The following SDK1 variants were observed in gnomAD, a reference collection of about 807,000 sequenced individuals.
SDK1 encodes the protein sidekick cell adhesion molecule 1.
SDK1 carries 157 observed loss-of-function variants against 245.5 expected under a neutral mutation model. That is an observed-to-expected ratio of 0.64 (90% CI 0.56 to 0.73). SDK1 has a LOEUF of 0.73. Ranked by LOEUF, SDK1 falls within the 30% of genes least tolerant of loss-of-function variation. SDK1 has a pLI of 0.00. For missense variants in SDK1, 3,583 were observed against 3,002.3 expected, an observed-to-expected ratio of 1.19 and a Z score of -4.52; for synonymous variants, 1,647 against 1,278.5, an observed-to-expected ratio of 1.29 and a Z score of -6.15.
At chr7:3,424,645 C>G (rs1033962006) in intron 1 of SDK1, among the ~76,000 whole-genome samples, 1 of 152,076 alleles carries the variant, frequency 6.6e-6, no homozygotes, top group Non-Finnish European at 1.5e-5. Context: ...ACCGGTAATC[C>G]CAGCACTTTG....
At chr7:3,872,598 A>G (rs1198513075) in intron 5 of SDK1, among the ~76,000 whole-genome samples, 1 of 139,102 alleles carries the variant, frequency 7.2e-6, no homozygotes, top group African/African-American at 2.7e-5. Context: ...TTTTTTTTAC[A>G]TATGTGATAT....
chr7:4,179,892 G>A (rs1584384025), intron 35 of SDK1, among the ~76,000 whole-genome samples: 4 of 152,006 alleles, frequency 2.6e-5, no homozygotes, highest in Admixed American at 2.6e-4. Flanking sequence ...GGGGAGCACA[G>A]GAAAGGAGGG....
intron 4 of SDK1, among the ~76,000 whole-genome samples, chr7:3,671,774 A>G (rs750820): frequency 0.36 from 55,441 of 152,130 alleles, 11,001 homozygotes; most frequent in African/African-American, 0.52. Flanking sequence ...ATGAGATTAA[A>G]AAGAAATTAA....
intron 1 of SDK1, among the ~76,000 whole-genome samples, chr7:3,428,602 G>T (rs1779742423): frequency 6.6e-6 from 1 of 152,186 alleles, no homozygotes; most frequent in East Asian, 1.9e-4. Context: ...TTATTAGCAT[G>T]TGTATTTAGG....
At chr7:3,978,167 A>G (rs927347606) in intron 13 of SDK1, among the ~76,000 whole-genome samples, 1 of 151,944 alleles carries the variant, frequency 6.6e-6, no homozygotes, top group African/African-American at 2.4e-5. Flanking sequence ...GCACATTTTT[A>G]AAGCTACCTT....
At chr7:3,690,934 C>A (rs1192165817) in intron 4 of SDK1, among the ~76,000 whole-genome samples, 1 of 152,186 alleles carries the variant, frequency 6.6e-6, no homozygotes, top group African/African-American at 2.4e-5. Flanking sequence ...TAGGCATTCA[C>A]TGGGCTAATG....
intron 1 of SDK1, among the ~76,000 whole-genome samples, chr7:3,574,956 A>G (rs1446215222): frequency 4.6e-5 from 7 of 152,078 alleles, no homozygotes; most frequent in Non-Finnish European, 1.0e-4. Context: ...GCTGTGAAGT[A>G]CGGGTAGTCA....
At chr7:4,255,928 T>C (rs1237837385) in intron 44 of SDK1, among the ~76,000 whole-genome samples, 1 of 147,884 alleles carries the variant, frequency 6.8e-6, no homozygotes, top group Admixed American at 6.7e-5. Flanking sequence ...TTTTTTTTTT[T>C]TTTTTTTTTG....
At chr7:3,798,460 A>T (rs1381029733) in intron 4 of SDK1, among the ~76,000 whole-genome samples, 5 of 151,870 alleles carry the variant, frequency 3.3e-5, no homozygotes, top group African/African-American at 1.2e-4. Flanking sequence ...CTTGTGATCC[A>T]CCCACCTTGG....
intron 5 of SDK1, among the ~76,000 whole-genome samples, chr7:3,829,692 C>G (rs1300667126): frequency 9.9e-5 from 15 of 152,150 alleles, no homozygotes. Context: ...GGGAGGAGGC[C>G]ATCCAGCAGG....
At chr7:3,678,592 C>T (rs531705383) in intron 4 of SDK1, among the ~76,000 whole-genome samples, 13 of 152,154 alleles carry the variant, frequency 8.5e-5, no homozygotes, top group African/African-American at 2.9e-4. Context: ...TTCATAAAGT[C>T]GGAAAGTAGA....
intron 1 of SDK1, among the ~76,000 whole-genome samples, chr7:3,441,759 C>T (rs1032194050): frequency 2.6e-5 from 4 of 152,184 alleles, no homozygotes; most frequent in African/African-American, 9.6e-5. Context: ...GAATAGACAT[C>T]TTAACAACAT....
intron 4 of SDK1, among the ~76,000 whole-genome samples, chr7:3,715,337 A>C (rs1785168880): frequency 6.6e-6 from 1 of 152,132 alleles, no homozygotes; most frequent in Non-Finnish European, 1.5e-5. Flanking sequence ...TTGACCCAGC[A>C]TTTTCCGATC....
At chr7:3,688,686 T>C (rs1250738870) in intron 4 of SDK1, among the ~76,000 whole-genome samples, 1 of 152,220 alleles carries the variant, frequency 6.6e-6, no homozygotes, top group Non-Finnish European at 1.5e-5. Flanking sequence ...GTAGATAGTA[T>C]GTAAAGTATC....
chr7:3,468,210 T>G (rs1781070018), intron 1 of SDK1, among the ~76,000 whole-genome samples: 1 of 152,188 alleles, frequency 6.6e-6, no homozygotes, highest in Non-Finnish European at 1.5e-5. Flanking sequence ...CTGTATAATA[T>G]TTTCTTTTAC....
chr7:4,130,922 G>T (rs903739941), intron 27 of SDK1, among the ~76,000 whole-genome samples: 6 of 152,094 alleles, frequency 3.9e-5, no homozygotes, highest in Admixed American at 1.3e-4. Flanking sequence ...AAATGAGCCC[G>T]AAAGTCCTCT....
intron 44 of SDK1, among the ~76,000 whole-genome samples, chr7:4,251,754 A>G (rs997982823): frequency 3.3e-5 from 5 of 152,256 alleles, no homozygotes; most frequent in Admixed American, 1.3e-4. Flanking sequence ...AACCAAGGGT[A>G]ATCTTTGAAA....
rs144439905 is a variant in SDK1 at position 3,967,374 on chromosome 7, A to G, written c.1486A>G (p.Thr496Ala). Residue 496 changes from threonine (T) to alanine (A), a missense_variant, in exon 10 of 45, where the codon ACA (threonine) becomes GCA (alanine). Physicochemically the swap from Thr to Ala is moderately conservative, Grantham distance 58. Coordinates refer to ENST00000404826, the MANE Select transcript of SDK1 (RefSeq NM_152744.4). ...GGACACCACAGTTACTGACGGGATG[A>G]CAGCCATTCTAAGGTGTGAGGTGTC... ...PVDTTVTDGM[T>A]AILRCEVSGA... 14 of 1,614,070 alleles carry G rather than the reference A, an allele frequency of 8.7e-6. No homozygotes were observed. In the African/African-American group the frequency reaches 1.3e-4, roughly 15 times the overall value.
rs530086760 is a variant in SDK1 at position 3,729,335 on chromosome 7, G to A, written c.713+87230G>A. ...TAACTTAATGGTTCTGTTGTTGAAAGTGCTTGCTCTAGCGCTGTATTCCTA... is the reference window on the plus strand; with the variant it reads ...TAACTTAATGGTTCTGTTGTTGAAAATGCTTGCTCTAGCGCTGTATTCCTA... On this transcript the variant is annotated intron_variant, in intron 4 of 44. Transcript: ENST00000404826. 5.8e-4 allele frequency among the ~76,000 whole-genome samples: 89 copies of A among 152,316 alleles called. 2 individuals carry two copies. The South Asian group carries it at 8.7e-3, about 15-fold the overall frequency.
Sources: gnomAD v4.1 joint callset for allele counts (sites outside exome capture counted in the v4.1 genomes callset) on GRCh38, gnomAD v4.1.1 for gene constraint, MANE v1.5 for transcripts, NCBI Gene and HGNC (gene_info 2026-07-23, HGNC 2026-07-21) for gene names.